Variants in EPHA8 observed in about 807,000 individuals in gnomAD.
EPHA8 encodes the protein EPH receptor A8.
A neutral mutation model predicts 103.6 loss-of-function variants in EPHA8; 58 were observed. The observed-to-expected ratio is 0.56, with a 90% CI of 0.45 to 0.70. The LOEUF is 0.70. EPHA8 is among the 30% of genes least tolerant of loss of function. The pLI is 0.00. For synonymous variants in EPHA8, 559 were observed against 572.5 expected (o/e 0.98, Z 0.34); for missense variants, 1,304 against 1,395.2 (o/e 0.93, Z 1.04).
At chr1:22,580,232 C>T (rs1187217340) in intron 3 of EPHA8, among the ~76,000 whole-genome samples, 2 of 147,980 alleles carry the variant, frequency 1.4e-5, no homozygotes, top group South Asian at 2.1e-4. Context: ...CTCCGCCTCC[C>T]GGTTCAAGCG....
Position 22,576,079 on chromosome 1 carries a change from TG to T in EPHA8, c.160-136del. ...TTCGAGATCATGTCTGCAGGGGGCCTGGCATCTAGTAGCCACCAGGAGGCCA... is the reference window on the plus strand; with the variant it reads ...TTCGAGATCATGTCTGCAGGGGGCCTGCATCTAGTAGCCACCAGGAGGCCA... On this transcript the variant is annotated intron_variant, in intron 2 of 16. Coordinates refer to ENST00000166244, the MANE Select transcript of EPHA8 (RefSeq NM_020526.5). The surrounding 1 kb of genome is among the most constrained non-coding windows in gnomAD (Gnocchi z 4.8). 1 of 934,286 alleles carries T rather than the reference TG, an allele frequency of 1.1e-6. No homozygotes were observed. The highest frequency in any genetic ancestry group is 1.6e-6 in the Non-Finnish European group (1 of 612,442). 57.9% of individuals were successfully genotyped at this position (934,286 alleles called of 1,614,324 possible).
intron 13 of EPHA8, 53 bp from the exon 14 acceptor site, chr1:22,600,608 G>A: frequency 6.2e-7 from 1 of 1,601,802 alleles, no homozygotes; most frequent in South Asian, 1.1e-5. Context: ...GACGGCTCGG[G>A]GGACACCCTG....
Position 22,597,225 on chromosome 1 carries a change from C to T in EPHA8, c.1766-87C>T, listed in dbSNP as rs1454557676. 1.1e-5 allele frequency: 13 copies of T among 1,169,926 alleles called. No homozygotes were observed. In the East Asian group the frequency reaches 2.7e-4, roughly 25 times the overall value. 72.5% of individuals were successfully genotyped at this position (1,169,926 alleles called of 1,614,324 possible). ...AGACTCCCAGAGACACCCCTCACCCCACCCCAGACCCATCCCAGGCCCAGG... is the reference window on the plus strand; with the variant it reads ...AGACTCCCAGAGACACCCCTCACCCTACCCCAGACCCATCCCAGGCCCAGG... On this transcript the variant is annotated intron_variant, in intron 9 of 16. Transcript: ENST00000166244. The surrounding 1 kb of genome is among the most constrained non-coding windows in gnomAD (Gnocchi z 4.6).
Position 22,565,667 on chromosome 1 carries a change from G to T in EPHA8, c.94+1938G>T, listed in dbSNP as rs3767566. ...TAGCCCCAGAGCCCCTCGAAGAGGGGGCTTGGACCAGGCTCATGTGCTGAG... is the reference window on the plus strand; with the variant it reads ...TAGCCCCAGAGCCCCTCGAAGAGGGTGCTTGGACCAGGCTCATGTGCTGAG... On this transcript the variant is annotated intron_variant, in intron 1 of 16. Transcript: ENST00000166244. Among the ~76,000 whole-genome samples the T allele has an allele frequency of 3.0e-4, 45 of 152,334 alleles. No individual in the cohort carries two copies. In the East Asian group the frequency reaches 8.7e-3, roughly 29 times the overall value.
At chr1:22,588,247 C>A (rs1045150960) in intron 4 of EPHA8, among the ~76,000 whole-genome samples, 1 of 152,106 alleles carries the variant, frequency 6.6e-6, no homozygotes, top group Non-Finnish European at 1.5e-5. Context: ...TGGCTCAAAC[C>A]CCCACCCCAG....
chr1:22,579,177 ATG>A (rs1016172429), intron 3 of EPHA8, among the ~76,000 whole-genome samples: 1 of 147,842 alleles, frequency 6.8e-6, no homozygotes, highest in Non-Finnish European at 1.5e-5. Context: ...ATGTGTGTGC[ATG>A]TGTGCGTGAA....
intron 8 of EPHA8, 47 bp downstream of exon 8, chr1:22,595,370 G>C (rs778101487): frequency 6.5e-7 from 1 of 1,528,130 alleles, no homozygotes; most frequent in South Asian, 1.2e-5. Context: ...CTCAAGCACC[G>C]TACCTCCTGC....
intron 3 of EPHA8, among the ~76,000 whole-genome samples, chr1:22,585,009 C>G (rs1054312650): frequency 6.9e-6 from 1 of 144,248 alleles, no homozygotes; most frequent in Admixed American, 6.9e-5. Flanking sequence ...AGGAGCAGGG[C>G]GGGGAATGGT....
intron 3 of EPHA8, among the ~76,000 whole-genome samples, chr1:22,580,125 CTCTTTTTT>C (rs1331349077): frequency 3.5e-5 from 4 of 113,086 alleles, no homozygotes. Context: ...TTCTTTCTTT[CTCTTTTTT>C]TTTTTTTTTT....
In EPHA8 at chr1:22,597,526, G is replaced by A. The variant is rs1330447716; in HGVS notation, c.1930+50G>A. ...GGGGCCAGCATGGGGCAAGGTGGGGGCACCCAGGGCAAGGTGGGGGCACCC... is the reference window on the plus strand; with the variant it reads ...GGGGCCAGCATGGGGCAAGGTGGGGACACCCAGGGCAAGGTGGGGGCACCC... On this transcript the variant is annotated intron_variant, in intron 10 of 16. Transcript: ENST00000166244. The surrounding 1 kb of genome is among the most constrained non-coding windows in gnomAD (Gnocchi z 4.6). The A allele has an allele frequency of 6.3e-7, 1 of 1,588,752 alleles. No homozygotes were observed.
chr1:22,579,313 G>A lies in EPHA8; in HGVS notation c.823+2433G>A, dbSNP rs1403525775. 2.0e-5 allele frequency among the ~76,000 whole-genome samples: 3 copies of A among 151,434 alleles called. No individual in the cohort carries two copies. In the East Asian group the frequency reaches 5.8e-4, roughly 29 times the overall value. ...TGTGTGCATGCATGTGTACATGAGT[G>A]TATATATGCATGTGTCCATGTGTGC... On this transcript the variant is annotated intron_variant, in intron 3 of 16. Coordinates refer to ENST00000166244, the MANE Select transcript of EPHA8 (RefSeq NM_020526.5).
At chr1:22,588,397 G>A (rs1641277065) in intron 4 of EPHA8, among the ~76,000 whole-genome samples, 1 of 152,200 alleles carries the variant, frequency 6.6e-6, no homozygotes, top group Non-Finnish European at 1.5e-5. Flanking sequence ...CAGCCATGGG[G>A]ATACACGGTG....
chr1:22,593,887 C>G (rs1641446257), intron 7 of EPHA8, among the ~76,000 whole-genome samples: 1 of 152,240 alleles, frequency 6.6e-6, no homozygotes, highest in African/African-American at 2.4e-5. Context: ...GGCTGGAGTG[C>G]AGTGGTGCAA....
intron 4 of EPHA8, among the ~76,000 whole-genome samples, chr1:22,587,667 G>T (rs3767555): frequency 1.3e-5 from 2 of 152,192 alleles, no homozygotes; most frequent in Non-Finnish European, 2.9e-5. Flanking sequence ...TCTTGTGGTA[G>T]GGCAAGAGGC....
intron 3 of EPHA8, among the ~76,000 whole-genome samples, chr1:22,578,641 GTGTA>G (rs1247622390): frequency 5.5e-5 from 8 of 145,676 alleles, no homozygotes; most frequent in Admixed American, 2.0e-4. Flanking sequence ...ATGTGTGTAT[GTGTA>G]TGTGTGTGCA....
chr1:22,599,934 AGTGG>A (rs1641658698), intron 13 of EPHA8, among the ~76,000 whole-genome samples: 2 of 16,648 alleles, frequency 1.2e-4, no homozygotes, highest in African/African-American at 2.8e-4. Context: ...CGAGGGAGGG[AGTGG>A]GGGAGGGAGG....
rs117946604 is a variant in EPHA8 at position 22,587,203 on chromosome 1, C to T, written c.979+568C>T. Among the ~76,000 whole-genome samples, 276 of 152,296 alleles carry T rather than the reference C, an allele frequency of 1.8e-3. 4 individuals carry two copies. The East Asian group carries it at 0.034, about 19-fold the overall frequency. ...TGTGAGCAGCTGCTCTTACAGACGA[C>T]GCCTGTATCGTGTTTGGATGCCTGC... On this transcript the variant is annotated intron_variant, in intron 4 of 16. Transcript: ENST00000166244.
chr1:22,578,571 CTGCATGTGTGCATGAATGCGTGTG>C (rs1640890942), intron 3 of EPHA8, among the ~76,000 whole-genome samples: 1 of 123,680 alleles, frequency 8.1e-6, no homozygotes, highest in Admixed American at 8.5e-5. Context: ...TTGTTAGTGT[CTGCATGTGTGCATGAATGCGTGTG>C]TGCATGTGTG....
Position 22,576,799 on chromosome 1 carries a change from A to G in EPHA8, c.742A>G (p.Ser248Gly), listed in dbSNP as rs761554734. 9.3e-6 allele frequency: 15 copies of G among 1,613,106 alleles called. No individual in the cohort carries two copies. The East Asian group carries it at 2.0e-4, about 22-fold the overall frequency. ...EERDTPKMYC[S>G]AEGEWLVPIG... ...GCGGGACACACCCAAGATGTACTGCAGCGCGGAGGGCGAGTGGCTCGTGCC... is the reference window on the plus strand; with the variant it reads ...GCGGGACACACCCAAGATGTACTGCGGCGCGGAGGGCGAGTGGCTCGTGCC... The change falls in exon 3 of 17, where the codon AGC (serine) becomes GGC (glycine). Residue 248 changes from serine (S) to glycine (G), a missense_variant. Transcript: ENST00000166244. The surrounding 1 kb of genome is among the most constrained non-coding windows in gnomAD (Gnocchi z 4.8).
Sources: allele counts gnomAD v4.1 joint callset (sites outside exome capture counted in the v4.1 genomes callset), GRCh38; gene constraint gnomAD v4.1.1; non-coding constraint Gnocchi (gnomAD v3.1); transcripts MANE v1.5; gene names NCBI Gene and HGNC (gene_info 2026-07-23, HGNC 2026-07-21).